Variants in FAS observed in about 807,000 individuals in gnomAD.
The protein encoded by FAS is tumor necrosis factor receptor superfamily member 6.
In FAS, 5 loss-of-function variants were observed where a neutral mutation model predicts 33.2. That is an observed-to-expected ratio of 0.15 (90% CI 0.08 to 0.32). The LOEUF is 0.32. Ranked by LOEUF, FAS falls within the 10% of genes least tolerant of loss-of-function variation. The pLI is 1.00. For synonymous variants in FAS, 131 were observed against 130.7 expected (o/e 1.00, Z -0.01); for missense variants, 339 against 386.0 (o/e 0.88, Z 1.02).
chr10:88,989,289 T>G (rs1847026125), upstream of FAS, among the ~76,000 whole-genome samples: 1 of 152,176 alleles, frequency 6.6e-6, no homozygotes, highest in Non-Finnish European at 1.5e-5. Flanking sequence ...TTCCATTCCT[T>G]CTTCCCTTAC....
intron 1 of FAS, among the ~76,000 whole-genome samples, chr10:88,964,226 A>C (rs916247430): frequency 6.6e-6 from 1 of 152,116 alleles, no homozygotes; most frequent in East Asian, 1.9e-4. Flanking sequence ...GAACCCCTGC[A>C]AAAAAAGGCA....
intron 2 of FAS, chr10:88,973,355 A>C: frequency 6.7e-7 from 1 of 1,486,464 alleles, no homozygotes; most frequent in Non-Finnish European, 9.0e-7. Context: ...TAGGTAATCC[A>C]AGAATTGCCA....
chr10:89,014,688 C>G lies in FAS; in HGVS notation c.*238C>G, dbSNP rs1180274569. On this transcript the variant is annotated 3_prime_UTR_variant, in exon 9 of 9. Transcript: ENST00000652046. ...GTAAATGCAGTGGCATGCTAAGTAC[C>G]CAAATAGGAGTGTATGCAGAGGATG... 3.0e-6 allele frequency: 2 copies of G among 661,148 alleles called. No individual in the cohort carries two copies. The highest frequency in any genetic ancestry group is 2.9e-5 in the East Asian group (1 of 34,400). The allele number at this position is 661,148 out of a possible 1,614,324, so 41.0% of individuals were successfully genotyped here. A position where few individuals can be genotyped will look rare whatever the true frequency, so the allele number is the denominator to read the frequency against.
upstream of FAS, among the ~76,000 whole-genome samples, chr10:88,986,555 C>T (rs1346312789): frequency 3.9e-5 from 6 of 152,096 alleles, no homozygotes; most frequent in Admixed American, 3.3e-4. Context: ...ATCTTGGTGG[C>T]CAAGTTTTCC....
chr10:89,004,626 A>G (rs1848121913), intron 2 of FAS, among the ~76,000 whole-genome samples: 1 of 152,080 alleles, frequency 6.6e-6, no homozygotes, highest in East Asian at 1.9e-4. Context: ...ATATTTCATT[A>G]TCAATATGAT....
At chr10:88,996,871 A>C (rs543540132) in intron 1 of FAS, among the ~76,000 whole-genome samples, 1 of 152,106 alleles carries the variant, frequency 6.6e-6, no homozygotes, top group Non-Finnish European at 1.5e-5. Context: ...GTAGTCCCTT[A>C]TCCCAGGTTG....
intron 1 of FAS, among the ~76,000 whole-genome samples, chr10:88,967,390 A>T (rs1029666538): frequency 6.6e-6 from 1 of 152,100 alleles, no homozygotes; most frequent in African/African-American, 2.4e-5. Flanking sequence ...CTAGCATCTC[A>T]CCTCAGTTTT....
upstream of FAS, among the ~76,000 whole-genome samples, chr10:88,986,875 C>T (rs1383292932): frequency 2.6e-5 from 4 of 152,094 alleles, no homozygotes; most frequent in African/African-American, 9.7e-5. Context: ...CTTGTGAAGT[C>T]ACTTCATTTA....
chr10:88,991,138 A>T, intron 1 of FAS: 1 of 618,364 alleles, frequency 1.6e-6, no homozygotes, highest in Non-Finnish European at 2.9e-6. Context: ...TTGGGCCTTG[A>T]TGCGAAGTGC....
At position 89,010,812 on chromosome 10, in the gene FAS, T is replaced by C; in HGVS notation, c.565T>C (p.Trp189Arg). Reference sequence around the variant, plus strand: ...TCTTTTGCCAATTCCACTAATTGTTTGGGGTAAGTTCTTGCTTTGTTCAAA... The same window carrying C: ...TCTTTTGCCAATTCCACTAATTGTTCGGGGTAAGTTCTTGCTTTGTTCAAA... ...LLLLPIPLIV[W>R]VKRKEVQKTC... Residue 189 changes from tryptophan to arginine, a missense_variant, in exon 6 of 9, where the codon TGG (tryptophan) becomes CGG (arginine). Around this residue, in one of 3 missense-constraint regions of FAS, gnomAD observed 276 missense variants for 300.1 expected, o/e 0.92. Transcript: ENST00000652046. The C allele has an allele frequency of 1.9e-6, 3 of 1,614,068 alleles. No individual in the cohort carries two copies. The highest frequency in any genetic ancestry group is 2.5e-6 in the Non-Finnish European group (3 of 1,179,984).
At chr10:88,983,629 A>C (rs985196178), upstream of FAS, among the ~76,000 whole-genome samples, 210 of 147,874 alleles carry the variant, frequency 1.4e-3, no homozygotes, top group Middle Eastern at 3.5e-3. Context: ...AAAAAAAAAA[A>C]AAAAAAAAAA....
intron 2 of FAS, among the ~76,000 whole-genome samples, chr10:88,978,889 CTATTATTATTATTA>C (rs923928844): frequency 2.0e-5 from 3 of 151,468 alleles, no homozygotes; most frequent in South Asian, 2.1e-4. Context: ...GATCTCTTCT[CTATTATTATTATTA>C]TATTATTATT....
chr10:88,970,984 TCCTCCGC>T (rs1425810464), intron 1 of FAS, among the ~76,000 whole-genome samples: 1 of 152,046 alleles, frequency 6.6e-6, no homozygotes, highest in Admixed American at 6.5e-5. Flanking sequence ...ACATTCAGAT[TCCTCCGC>T]CCAAAGGCAA....
chr10:88,979,256 C>G, intron 2 of FAS, among the ~76,000 whole-genome samples: 1 of 150,542 alleles, frequency 6.6e-6, no homozygotes, highest in African/African-American at 2.4e-5. Context: ...AGTACTGAGA[C>G]AAAAAAGCAG....
intron 2 of FAS, 129 bp from the exon 3 acceptor site, chr10:89,007,571 A>C: frequency 5.6e-6 from 6 of 1,070,698 alleles, no homozygotes; most frequent in African/African-American, 1.6e-5. Context: ...TTGTATTTAT[A>C]TCTCATTAGC....
rs1032585844 is a variant in FAS at position 89,016,804 on chromosome 10, T to C, written c.*2354T>C. On this transcript the variant is annotated 3_prime_UTR_variant, in exon 9 of 9. Transcript: ENST00000652046. ...GAGCTCACAGATCACATTGAAAGCA[T>C]TGCATATTCAAACATCTTGGTCTTC... The C allele has an allele frequency of 2.3e-5, 5 of 217,534 alleles. No individual in the cohort carries two copies. Among genetic ancestry groups the C allele is most frequent in the Admixed American group, 5.8e-5 (1 of 17,232 alleles). The allele number at this position is 217,534 out of a possible 1,614,324, so 13.5% of individuals were successfully genotyped here. A position where few individuals can be genotyped will look rare whatever the true frequency, so the allele number is the denominator to read the frequency against.
upstream of FAS, chr10:88,990,702 G>C (rs1414925801): frequency 1.3e-6 from 1 of 742,888 alleles, no homozygotes. The surrounding 1 kb of genome is among the most constrained non-coding windows in gnomAD (Gnocchi z 4.9). Context: ...GGGGAGTGAG[G>C]GAAGCGGTTT....
intron 1 of FAS, among the ~76,000 whole-genome samples, chr10:88,967,643 C>T (rs749499285): frequency 6.6e-6 from 1 of 152,174 alleles, no homozygotes; most frequent in Non-Finnish European, 1.5e-5. Context: ...GTTTCTTGAA[C>T]TTTCAAAGAC....
At chr10:88,989,936 AC>A (rs1275629716), upstream of FAS, among the ~76,000 whole-genome samples, 4 of 152,242 alleles carry the variant, frequency 2.6e-5, no homozygotes, top group Non-Finnish European at 4.4e-5. Context: ...AGAGCTATCT[AC>A]CGTTCCAAAG....
Sources: allele counts gnomAD v4.1 joint callset (sites outside exome capture counted in the v4.1 genomes callset), GRCh38; gene constraint gnomAD v4.1.1; regional missense constraint gnomAD v4.1.1; non-coding constraint Gnocchi (gnomAD v3.1); transcripts MANE v1.5; gene names NCBI Gene and HGNC (gene_info 2026-07-23, HGNC 2026-07-21).